Variants in SHC4 observed in about 807,000 individuals in gnomAD.
The protein encoded by SHC4 is SHC-transforming protein 4.
SHC4 carries 41 observed loss-of-function variants against 69.4 expected under a neutral mutation model. That is an observed-to-expected ratio of 0.59 (90% CI 0.46 to 0.77). The LOEUF is 0.77. Among genes scored for constraint, SHC4 ranks in the 30% least tolerant of loss-of-function variants. SHC4 has a pLI of 0.00. For missense variants in SHC4, 777 were observed against 783.8 expected (o/e 0.99, Z 0.10); for synonymous variants, 318 against 299.3 (o/e 1.06, Z -0.64).
intron 9 of SHC4, among the ~76,000 whole-genome samples, chr15:48,846,134 G>A (rs1899087453): frequency 6.6e-6 from 1 of 152,124 alleles, no homozygotes; most frequent in Non-Finnish European, 1.5e-5. Flanking sequence ...GAGTCACTGG[G>A]ATTACAGGTG....
At chr15:48,861,565 C>G (rs1027298136) in intron 6 of SHC4, among the ~76,000 whole-genome samples, 1 of 152,112 alleles carries the variant, frequency 6.6e-6, no homozygotes, top group South Asian at 2.1e-4. Flanking sequence ...AAGAATTGCC[C>G]AATTTTCAGC....
intron 3 of SHC4, among the ~76,000 whole-genome samples, chr15:48,890,282 C>A (rs1458860368): frequency 2.0e-5 from 3 of 152,196 alleles, no homozygotes; most frequent in Non-Finnish European, 4.4e-5. Context: ...ATTACCTCAC[C>A]TTTACCACTA....
intron 9 of SHC4, among the ~76,000 whole-genome samples, chr15:48,844,922 A>G (rs988300979): frequency 3.9e-5 from 6 of 152,214 alleles, no homozygotes; most frequent in Non-Finnish European, 5.9e-5. Flanking sequence ...TTCCTTTACA[A>G]ATTACCCAGT....
chr15:48,906,760 A>G (rs1443207395), intron 2 of SHC4, among the ~76,000 whole-genome samples: 1 of 152,140 alleles, frequency 6.6e-6, no homozygotes, highest in Admixed American at 6.6e-5. Context: ...AGCTGCCCCA[A>G]TATCCTTTCA....
intron 2 of SHC4, among the ~76,000 whole-genome samples, chr15:48,907,525 C>T (rs1270127926): frequency 6.6e-6 from 1 of 151,992 alleles, no homozygotes; most frequent in Non-Finnish European, 1.5e-5. Flanking sequence ...GCAGTATACA[C>T]TGCACCATAC....
chr15:48,872,178 ATTG>A lies in SHC4; in HGVS notation c.841-39_841-37del, dbSNP rs776069457. The A allele has an allele frequency of 8.0e-6, 10 of 1,243,094 alleles. No homozygotes were observed. The Admixed American group carries it at 8.6e-5, about 11-fold the overall frequency. The allele number at this position is 1,243,094 out of a possible 1,614,324, so 77.0% of individuals were successfully genotyped here. On this transcript the variant is annotated intron_variant, in intron 4 of 11. Transcript: ENST00000332408. ...TAAACATGTATACTAATATAAATTA[ATTG>A]TTATTTCTAGTTATATACAGTCTAA...
chr15:48,850,489 T>C (rs1899188678), intron 9 of SHC4, among the ~76,000 whole-genome samples: 1 of 152,194 alleles, frequency 6.6e-6, no homozygotes, highest in African/African-American at 2.4e-5. Flanking sequence ...CCATCTGTAT[T>C]CTCCACTGCA....
intron 2 of SHC4, among the ~76,000 whole-genome samples, chr15:48,924,607 C>T (rs1175151895): frequency 1.3e-5 from 2 of 152,132 alleles, no homozygotes; most frequent in Admixed American, 1.3e-4. Flanking sequence ...ATTTTAAATA[C>T]TTTTGGTACC....
chr15:48,878,536 C>G (rs765412776), intron 4 of SHC4: 8 of 1,613,928 alleles, frequency 5.0e-6, no homozygotes, highest in Non-Finnish European at 5.9e-6. Flanking sequence ...TCAGTGGTGC[C>G]GGCTACAGAG....
intron 1 of SHC4, among the ~76,000 whole-genome samples, chr15:48,926,949 T>G (rs1900864380): frequency 6.6e-6 from 1 of 152,120 alleles, no homozygotes; most frequent in African/African-American, 2.4e-5. Flanking sequence ...ATTTTGGATA[T>G]TTTACTCTGT....
intron 2 of SHC4, among the ~76,000 whole-genome samples, chr15:48,922,920 A>G (rs1380772677): frequency 6.6e-6 from 1 of 152,230 alleles, no homozygotes; most frequent in Non-Finnish European, 1.5e-5. Flanking sequence ...AGAATGTGTA[A>G]GAGAAGATTT....
At chr15:48,938,964 T>C (rs887096804) in intron 1 of SHC4, among the ~76,000 whole-genome samples, 5 of 152,258 alleles carry the variant, frequency 3.3e-5, no homozygotes, top group Non-Finnish European at 7.3e-5. Flanking sequence ...AAAGCCTCAG[T>C]TTCCTCATCC....
chr15:48,916,629 G>A (rs1454332422), intron 2 of SHC4, among the ~76,000 whole-genome samples: 1 of 151,642 alleles, frequency 6.6e-6, no homozygotes, highest in Admixed American at 6.6e-5. Context: ...ACACCACGAG[G>A]CACAGGTAGA....
chr15:48,839,752 A>C (rs1024823748), intron 10 of SHC4, among the ~76,000 whole-genome samples: 1 of 152,224 alleles, frequency 6.6e-6, no homozygotes, highest in African/African-American at 2.4e-5. Flanking sequence ...ATCTAATCTT[A>C]GATGCTGTAA....
intron 2 of SHC4, among the ~76,000 whole-genome samples, chr15:48,903,840 G>A (rs1271393503): frequency 2.0e-5 from 3 of 152,020 alleles, no homozygotes; most frequent in African/African-American, 4.8e-5. Flanking sequence ...ATTATCACAC[G>A]CTACAGCCTC....
At chr15:48,833,385 T>C (rs1253352828) in intron 11 of SHC4, among the ~76,000 whole-genome samples, 1 of 152,178 alleles carries the variant, frequency 6.6e-6, no homozygotes, top group Non-Finnish European at 1.5e-5. Context: ...CCACTATCCC[T>C]TGTTGTCCAT....
chr15:48,836,309 G>A (rs554825726), intron 10 of SHC4, among the ~76,000 whole-genome samples: 161 of 152,248 alleles, frequency 1.1e-3, no homozygotes, highest in Admixed American at 4.4e-3. Flanking sequence ...TAAACTCTAA[G>A]GTCCTTGCCT....
chr15:48,838,028 T>G (rs1294402374), intron 10 of SHC4, among the ~76,000 whole-genome samples: 4 of 152,336 alleles, frequency 2.6e-5, no homozygotes, highest in African/African-American at 7.2e-5. Flanking sequence ...AATTATTATT[T>G]TAGCAAAGCA....
chr15:48,930,894 C>G (rs1900952152), intron 1 of SHC4, among the ~76,000 whole-genome samples: 1 of 152,168 alleles, frequency 6.6e-6, no homozygotes, highest in African/African-American at 2.4e-5. Flanking sequence ...TTCTTCCTTT[C>G]ACTCATGCCT....
Sources: gnomAD v4.1 joint callset for allele counts (sites outside exome capture counted in the v4.1 genomes callset) on GRCh38, gnomAD v4.1.1 for gene constraint, MANE v1.5 for transcripts, NCBI Gene and HGNC (gene_info 2026-07-23, HGNC 2026-07-21) for gene names.